SLC9B1: variants seen among roughly 807,000 people sequenced by gnomAD.
SLC9B1 encodes the protein solute carrier family 9 member B1, also known as sodium/hydrogen exchanger 9B1.
A neutral mutation model predicts 51.7 loss-of-function variants in SLC9B1; 32 were observed. The observed-to-expected ratio is 0.62, with a 90% CI of 0.47 to 0.83. SLC9B1 has a LOEUF of 0.83. Among genes scored for constraint, SLC9B1 ranks in the 40% least tolerant of loss-of-function variants. SLC9B1 has a pLI of 0.00. For synonymous variants in SLC9B1, 145 were observed against 212.7 expected (o/e 0.68, Z 2.77); for missense variants, 406 against 613.2 (o/e 0.66, Z 3.57).
intron 3 of SLC9B1, among the ~76,000 whole-genome samples, chr4:102,986,880 C>T (rs1248774111): frequency 6.6e-6 from 1 of 151,928 alleles, no homozygotes; most frequent in Non-Finnish European, 1.5e-5. Flanking sequence ...TATTTTTTTC[C>T]GTTAGAGATC....
In SLC9B1 at chr4:102,954,537, T is replaced by C. The variant is rs367584826; in HGVS notation, c.212-5110A>G. On this transcript the variant is annotated intron_variant, in intron 3 of 11. Coordinates refer to ENST00000296422, the MANE Select transcript of SLC9B1 (RefSeq NM_139173.4). ...AACAATAGAGCAGATTCTCAGTACT[T>C]ATCAGCAACAATAGAAGATGGAAGA... Among the ~76,000 whole-genome samples the C allele has an allele frequency of 3.3e-5, 5 of 151,618 alleles. No individual in the cohort carries two copies. The East Asian group carries it at 9.6e-4, about 29-fold the overall frequency.
At chr4:102,967,528 T>C (rs548559742) in intron 3 of SLC9B1, among the ~76,000 whole-genome samples, 1 of 152,248 alleles carries the variant, frequency 6.6e-6, no homozygotes, top group South Asian at 2.1e-4. Flanking sequence ...CACAATATGG[T>C]AGAACAAGGT....
At chr4:102,935,188 C>G (rs568884358) in intron 6 of SLC9B1, among the ~76,000 whole-genome samples, 44 of 152,124 alleles carry the variant, frequency 2.9e-4, no homozygotes, top group Middle Eastern at 6.8e-3. Flanking sequence ...AGGATATGAA[C>G]AGGCTAGTTA....
intron 1 of SLC9B1, among the ~76,000 whole-genome samples, chr4:103,017,684 TC>T: frequency 8.0e-6 from 1 of 124,954 alleles, no homozygotes; most frequent in Admixed American, 8.1e-5. Flanking sequence ...CCTCCCCCAG[TC>T]TTAAGGAAGA....
At chr4:102,990,282 A>C (rs141466206) in intron 2 of SLC9B1, among the ~76,000 whole-genome samples, 338 of 152,202 alleles carry the variant, frequency 2.2e-3, no homozygotes, top group African/African-American at 6.8e-3. Flanking sequence ...CTTTTGTGAA[A>C]TGAAAATACA....
At chr4:103,011,117 C>T (rs1354011160) in intron 1 of SLC9B1, among the ~76,000 whole-genome samples, 1 of 152,158 alleles carries the variant, frequency 6.6e-6, no homozygotes, top group Non-Finnish European at 1.5e-5. Context: ...CAAGTTATAT[C>T]ATTCTAAAAT....
chr4:102,996,358 A>G (rs1479558518), intron 1 of SLC9B1, among the ~76,000 whole-genome samples: 6 of 152,164 alleles, frequency 3.9e-5, no homozygotes, highest in Non-Finnish European at 8.8e-5. Flanking sequence ...TACGCTGATA[A>G]TACCTTTTTT....
At position 102,910,483 on chromosome 4, in the gene SLC9B1, G is replaced by A. The variant is rs1287129025; in HGVS notation, c.1042C>T (p.Leu348=). 1 of 1,568,184 alleles carries A rather than the reference G, an allele frequency of 6.4e-7. No homozygotes were observed. The highest frequency in any genetic ancestry group is 8.6e-7 in the Non-Finnish European group (1 of 1,162,568). ...GLHGSGGLCT[L]VLSFIAGTKW... is the part of the protein sequence containing the mutation. ...GTCCCTGCAATGAAACTCAACACTA[G>A]TGTGCATAATCCTCCAGATCCATGT... is the stretch of plus-strand genomic sequence containing the variant. Residue 348 remains leucine, a synonymous_variant, in exon 9 of 12, where the codon CTA becomes TTA. Coordinates refer to ENST00000296422, the MANE Select transcript of SLC9B1 (RefSeq NM_139173.4).
At chr4:103,008,797 CTTTT>C (rs34403441) in intron 1 of SLC9B1, among the ~76,000 whole-genome samples, 1 of 99,458 alleles carries the variant, frequency 1.0e-5, no homozygotes, top group Non-Finnish European at 2.0e-5. Context: ...TTAACAGTTT[CTTTT>C]TTTTTTTTTT....
At chr4:102,917,419 T>C (rs968366192) in intron 7 of SLC9B1, among the ~76,000 whole-genome samples, 1 of 112,698 alleles carries the variant, frequency 8.9e-6, no homozygotes, top group Non-Finnish European at 2.0e-5. Flanking sequence ...ATATTCTCTT[T>C]TATATGCATG....
intron 9 of SLC9B1, among the ~76,000 whole-genome samples, chr4:102,909,848 A>T (rs1735253420): frequency 6.6e-6 from 1 of 151,706 alleles, no homozygotes; most frequent in African/African-American, 2.4e-5. Context: ...TTTGTGATGG[A>T]GTTTTGCACT....
intron 8 of SLC9B1, 34 bp from the exon 9 acceptor site, chr4:102,910,622 T>C (rs1353805684): frequency 2.1e-6 from 2 of 951,618 alleles, no homozygotes; most frequent in Non-Finnish European, 2.8e-6. Context: ...AATTAGTTTA[T>C]ATTAAATATA....
In SLC9B1 at chr4:102,964,266, A is replaced by C. The variant is rs1288873910; in HGVS notation, c.212-14839T>G. On this transcript the variant is annotated intron_variant, in intron 3 of 11. Coordinates refer to ENST00000296422, the MANE Select transcript of SLC9B1 (RefSeq NM_139173.4). Reference sequence around the variant, plus strand: ...GACTCAAGGAAAAAGGAAAAAAAAAACAAATATCAATATCAAGTAAAGAAA... The same window carrying C: ...GACTCAAGGAAAAAGGAAAAAAAAACCAAATATCAATATCAAGTAAAGAAA... 1.1e-4 allele frequency among the ~76,000 whole-genome samples: 16 copies of C among 152,142 alleles called. 1 individual carries two copies. The highest frequency in any genetic ancestry group is 8.5e-4 in the Admixed American group (13 of 15,302).
In SLC9B1 at chr4:102,992,347, A is replaced by G. The variant is rs190583309; in HGVS notation, c.-1-635T>C. ...GCTAGCTTCAAATATAAGTAGGGTA[A>G]CTTTTCTTAAAAATATCTTCTCTCA... On this transcript the variant is annotated intron_variant, in intron 1 of 11. Coordinates refer to ENST00000296422, the MANE Select transcript of SLC9B1 (RefSeq NM_139173.4). 9.2e-5 allele frequency among the ~76,000 whole-genome samples: 14 copies of G among 152,274 alleles called. No homozygotes were observed. The East Asian group carries it at 2.3e-3, about 25-fold the overall frequency.
chr4:102,909,344 T>C (rs1279804058), intron 9 of SLC9B1, among the ~76,000 whole-genome samples: 1 of 151,708 alleles, frequency 6.6e-6, no homozygotes, highest in South Asian at 2.1e-4. Context: ...TAGATGTACC[T>C]GCAATCCCAA....
At chr4:103,015,621 T>C (rs914465519) in intron 1 of SLC9B1, among the ~76,000 whole-genome samples, 2 of 152,188 alleles carry the variant, frequency 1.3e-5, no homozygotes, top group Admixed American at 1.3e-4. Context: ...TTCTGATTGC[T>C]TTCCATCCTC....
chr4:103,016,889 C>G (rs1741392120), intron 1 of SLC9B1: 1 of 152,200 alleles, frequency 6.6e-6, no homozygotes, highest in Non-Finnish European at 1.5e-5. Context: ...GCACACTTGC[C>G]CTAGGTAGTT....
At chr4:103,000,870 C>T (rs1168311749) in intron 1 of SLC9B1, among the ~76,000 whole-genome samples, 1 of 152,232 alleles carries the variant, frequency 6.6e-6, no homozygotes, top group Non-Finnish European at 1.5e-5. Flanking sequence ...CTTCTCACAG[C>T]TCCACTAGGT....
chr4:102,991,804 A>G, intron 1 of SLC9B1, 92 bp from the exon 2 acceptor site: 1 of 870,784 alleles, frequency 1.1e-6, no homozygotes. Flanking sequence ...AATTTTTTAA[A>G]GGATTTTTTG....
Sources: allele counts gnomAD v4.1 joint callset (sites outside exome capture counted in the v4.1 genomes callset), GRCh38; gene constraint gnomAD v4.1.1; transcripts MANE v1.5; gene names NCBI Gene and HGNC (gene_info 2026-07-23, HGNC 2026-07-21).